The following ADCYAP1 variants were observed in gnomAD, a reference collection of about 807,000 sequenced individuals.
The protein encoded by ADCYAP1 is pituitary adenylate cyclase-activating polypeptide.
Under a neutral mutation model 18.5 loss-of-function variants are expected in ADCYAP1, and 6 were observed. That is an observed-to-expected ratio of 0.32 (90% CI 0.18 to 0.64). The LOEUF (loss-of-function observed/expected upper bound fraction) is 0.64, where lower values mean the gene tolerates loss of function less well. Ranked by LOEUF, ADCYAP1 falls within the 30% of genes least tolerant of loss-of-function variation. The probability of loss-of-function intolerance (pLI) is 0.77; values close to 1 mark genes in which losing one functional copy is unlikely to be tolerated. For synonymous variants in ADCYAP1, 136 were observed against 113.9 expected (o/e 1.19, Z -1.24); for missense variants, 314 against 253.6 (o/e 1.24, Z -1.62).
At chr18:905,275 AGCCGGGGCTTC>A (rs1909118914) in intron 1 of ADCYAP1, 100 bp from the exon 2 acceptor site, 1 of 1,520,388 alleles carries the variant, frequency 6.6e-7, no homozygotes, top group Admixed American at 2.0e-5. Flanking sequence ...CAACTCAGGG[AGCCGGGGCTTC>A]GCTCCGTCCC....
At chr18:907,636 T>A (rs913481622) in intron 2 of ADCYAP1, 23 bp from the exon 3 acceptor site, 2 of 1,578,252 alleles carry the variant, frequency 1.3e-6, no homozygotes, top group Non-Finnish European at 1.7e-6. Flanking sequence ...TGACCACACC[T>A]TCTGTCCCCG....
At position 908,444 on chromosome 18, in the gene ADCYAP1, G is replaced by T. The variant is rs1340802062; in HGVS notation, c.341+81G>T. 4.2e-6 allele frequency: 5 copies of T among 1,200,386 alleles called. No individual in the cohort carries two copies. In the African/African-American group the frequency reaches 7.6e-5, roughly 18 times the overall value. The allele number at this position is 1,200,386 out of a possible 1,614,324, so 74.4% of individuals were successfully genotyped here. A position where few individuals can be genotyped will look rare whatever the true frequency, so the allele number is the denominator to read the frequency against. On this transcript the variant is annotated intron_variant, in intron 4 of 4. Transcript: ENST00000450565. ...GCGCGCGGGGCGGGCGGCGGTGGGT[G>T]CCCGTGGGGGCCAGGGTGAGTCTGC...
rs766216691 is a variant in ADCYAP1, at chr18:905,527, G to A, written c.110+31G>A. 1.9e-6 allele frequency: 3 copies of A among 1,601,452 alleles called. No homozygotes were observed. In the Admixed American group the frequency reaches 5.0e-5, roughly 27 times the overall value. On this transcript the variant is annotated intron_variant, in intron 2 of 4. Transcript: ENST00000450565. Reference sequence around the variant, plus strand: ...TGCTGGCTGCCTGGCCCAAGCAGGAGCTGGGGCTTCCCAGGCACAGACGCT... The same window carrying A: ...TGCTGGCTGCCTGGCCCAAGCAGGAACTGGGGCTTCCCAGGCACAGACGCT...
At position 904,959 on chromosome 18, in the gene ADCYAP1, CG is replaced by C; in HGVS notation, c.-101del. 1 of 1,291,200 alleles carries C rather than the reference CG, an allele frequency of 7.7e-7. No homozygotes were observed. The highest frequency in any genetic ancestry group is 1.0e-6 in the Non-Finnish European group (1 of 990,170). 80.0% of individuals were successfully genotyped at this position (1,291,200 alleles called of 1,614,324 possible). A position where few individuals can be genotyped will look rare whatever the true frequency, so the allele number is the denominator to read the frequency against. On this transcript the variant is annotated 5_prime_UTR_variant, in exon 1 of 5. Transcript: ENST00000450565. ...CTTCTGCTCAGACACCAACGCCAGACGGCGATGCCTCTCGGGTGGTGACTCC... is the reference window on the plus strand; with the variant it reads ...CTTCTGCTCAGACACCAACGCCAGACGCGATGCCTCTCGGGTGGTGACTCC...
At chr18:908,532 T>C (rs983952502) in intron 4 of ADCYAP1, among the ~76,000 whole-genome samples, 169 bp downstream of exon 4, 9 of 152,248 alleles carry the variant, frequency 5.9e-5, no homozygotes, top group Non-Finnish European at 1.0e-4. Context: ...AGTGGCACTT[T>C]AAATTTGCCC....
chr18:908,074 G>C (rs1208237915), intron 3 of ADCYAP1, 191 bp from the exon 4 acceptor site: 2 of 669,988 alleles, frequency 3.0e-6, no homozygotes, highest in Non-Finnish European at 4.9e-6. Flanking sequence ...TCCTAGAGCC[G>C]GGACTAGCTC....
upstream of ADCYAP1, chr18:904,678 TCCTCC>T (rs998511951): frequency 9.9e-6 from 12 of 1,211,650 alleles, no homozygotes; most frequent in African/African-American, 1.6e-5. Flanking sequence ...TCCCTTGCCT[TCCTCC>T]CCTTCTTTTC....
At chr18:905,957 T>G (rs932851824) in intron 2 of ADCYAP1, 7 of 164,374 alleles carry the variant, frequency 4.3e-5, no homozygotes, top group African/African-American at 1.7e-4. Flanking sequence ...CTCTCTCTCC[T>G]CCACCCTTTC....
rs986197472 is a variant in ADCYAP1 at position 907,467 on chromosome 18, G to T, written c.111-192G>T. 2.3e-5 allele frequency: 13 copies of T among 555,728 alleles called. No homozygotes were observed. In the Admixed American group the frequency reaches 4.2e-4, roughly 18 times the overall value. 34.4% of individuals were successfully genotyped at this position (555,728 alleles called of 1,614,324 possible). A position where few individuals can be genotyped will look rare whatever the true frequency, so the allele number is the denominator to read the frequency against. On this transcript the variant is annotated intron_variant, in intron 2 of 4. Coordinates refer to ENST00000450565, the MANE Select transcript of ADCYAP1 (RefSeq NM_001099733.2). ...GGGGGGGTGGGCGGGCCGCCCGGCG[G>T]GGTAGGAGTGGTTGGGTGTCGTTGC...
At chr18:906,854 C>T (rs1302128435) in intron 2 of ADCYAP1, among the ~76,000 whole-genome samples, 5 of 152,234 alleles carry the variant, frequency 3.3e-5, no homozygotes, top group Non-Finnish European at 7.3e-5. Context: ...TCTCGGTCCC[C>T]CTCCTCGTGC....
intron 3 of ADCYAP1, 30 bp from the exon 4 acceptor site, chr18:908,234 AC>A (rs766571865): frequency 6.3e-7 from 1 of 1,585,804 alleles, no homozygotes. Context: ...AGAAACAGTG[AC>A]CCTGGGCGCG....
upstream of ADCYAP1, chr18:904,764 C>A (rs1238487481): frequency 7.9e-7 from 1 of 1,269,634 alleles, no homozygotes; most frequent in Non-Finnish European, 1.0e-6. Context: ...TGCTCCTCCG[C>A]GCTTCACCTC....
Position 908,317 on chromosome 18 carries a change from C to T in ADCYAP1, c.295C>T (p.Leu99=). 5 of 1,613,432 alleles carry T rather than the reference C, an allele frequency of 3.1e-6. No homozygotes were observed. Among genetic ancestry groups the T allele is most frequent in the Non-Finnish European group, 4.2e-6 (5 of 1,179,788 alleles). Residue 99 remains leucine (L), a synonymous_variant, in exon 4 of 5, where the codon CTG becomes TTG. Coordinates refer to ENST00000450565, the MANE Select transcript of ADCYAP1 (RefSeq NM_001099733.2). ...NEAYRKVLDQ[L]SAGKHLQSLV... is the part of the protein sequence containing the mutation. ...GGCCTACCGCAAAGTGCTGGACCAG[C>T]TGTCCGCCGGGAAGCACCTGCAGTC...
chr18:907,988 G>T, intron 3 of ADCYAP1, 198 bp downstream of exon 3: 2 of 1,067,388 alleles, frequency 1.9e-6, no homozygotes, highest in Non-Finnish European at 1.3e-6. Flanking sequence ...TGAGGGCCGC[G>T]TGGGGACCGA....
Position 910,631 on chromosome 18 carries a change from C to T in ADCYAP1, c.*996C>T, listed in dbSNP as rs1909354955. 1 of 152,184 alleles carries T rather than the reference C, an allele frequency of 6.6e-6. No individual in the cohort carries two copies. Among genetic ancestry groups the T allele is most frequent in the Non-Finnish European group, 1.5e-5 (1 of 68,052 alleles). 9.4% of individuals were successfully genotyped at this position (152,184 alleles called of 1,614,324 possible). ...TGGGAAGCTGAGGGCAAATCCAGTC[C>T]CAATGGTCCTGACTTTGGGCGCTGG... On this transcript the variant is annotated 3_prime_UTR_variant, in exon 5 of 5. Coordinates refer to ENST00000450565, the MANE Select transcript of ADCYAP1 (RefSeq NM_001099733.2).
At position 910,091 on chromosome 18, in the gene ADCYAP1, T is replaced by A. The variant is rs1909335226; in HGVS notation, c.*456T>A. On this transcript the variant is annotated 3_prime_UTR_variant, in exon 5 of 5. Transcript: ENST00000450565. ...TGACAGGCCTGAAGATATTACTACT[T>A]ACCATTTGCTACTGTACATAAACAA... The A allele has an allele frequency of 6.6e-6, 1 of 152,524 alleles. No individual in the cohort carries two copies. Among genetic ancestry groups the A allele is most frequent in the African/African-American group, 2.4e-5 (1 of 41,392 alleles). The allele number at this position is 152,524 out of a possible 1,614,324, so 9.4% of individuals were successfully genotyped here. A position where few individuals can be genotyped will look rare whatever the true frequency, so the allele number is the denominator to read the frequency against.
In ADCYAP1 at chr18:911,302, A is replaced by G. The variant is rs1273166236; in HGVS notation, c.*1667A>G. ...AATCTTTATAAACAAAAGAACCTTC[A>G]CCCAGCAATCAGATCGAGCAGCAAC... On this transcript the variant is annotated 3_prime_UTR_variant, in exon 5 of 5. Coordinates refer to ENST00000450565, the MANE Select transcript of ADCYAP1 (RefSeq NM_001099733.2). 6.6e-6 allele frequency: 1 copy of G among 151,618 alleles called. No individual in the cohort carries two copies. The highest frequency in any genetic ancestry group is 1.5e-5 in the Non-Finnish European group (1 of 67,968). The allele number at this position is 151,618 out of a possible 1,614,324, so 9.4% of individuals were successfully genotyped here.
intron 2 of ADCYAP1, chr18:905,864 T>C (rs959659390): frequency 2.2e-5 from 6 of 273,980 alleles, no homozygotes; most frequent in Admixed American, 1.5e-4. Flanking sequence ...ACTTCAGCTC[T>C]GGAGCCTGGC....
intron 4 of ADCYAP1, 51 bp downstream of exon 4, chr18:908,414 G>A (rs770517537): frequency 6.7e-7 from 1 of 1,499,164 alleles, no homozygotes; most frequent in Non-Finnish European, 9.1e-7. Flanking sequence ...GGGTGCCTGT[G>A]CGGGGCGCGC....
Sources: allele counts gnomAD v4.1 joint callset (sites outside exome capture counted in the v4.1 genomes callset), GRCh38; gene constraint gnomAD v4.1.1; transcripts MANE v1.5; gene names NCBI Gene and HGNC (gene_info 2026-07-23, HGNC 2026-07-21).